Variants in ZNF385D observed in about 807,000 individuals in gnomAD.
ZNF385D encodes the protein zinc finger protein 385D, also known as zinc finger protein 659.
In ZNF385D, 15 loss-of-function variants were observed where a neutral mutation model predicts 35.8. The observed-to-expected ratio is 0.42, with a 90% confidence interval of 0.28 to 0.64. The LOEUF is 0.64. Among genes scored for constraint, ZNF385D ranks in the 30% least tolerant of loss-of-function variants. The pLI is 0.23. For synonymous variants in ZNF385D, 212 were observed against 186.8 expected, an observed-to-expected ratio of 1.13 and a Z score of -1.10; for missense variants, 474 against 494.6, an observed-to-expected ratio of 0.96 and a Z score of 0.39.
intron 3 of ZNF385D, among the ~76,000 whole-genome samples, chr3:22,031,581 C>G (rs1037294533): frequency 6.6e-6 from 1 of 152,286 alleles, no homozygotes; most frequent in South Asian, 2.1e-4. Flanking sequence ...CACAGAGCAG[C>G]GTGTCCCTGG....
chr3:22,005,872 C>G (rs1696168000), intron 3 of ZNF385D, among the ~76,000 whole-genome samples: 1 of 151,988 alleles, frequency 6.6e-6, no homozygotes, highest in African/African-American at 2.4e-5. Context: ...TTAAAAGGAA[C>G]AGGAAAATAT....
At chr3:22,131,718 C>G (rs1482617535) in intron 3 of ZNF385D, among the ~76,000 whole-genome samples, 2 of 152,216 alleles carry the variant, frequency 1.3e-5, no homozygotes, top group African/African-American at 2.4e-5. Context: ...AGGGAGATAT[C>G]ACAGAGGGAG....
intron 4 of ZNF385D, among the ~76,000 whole-genome samples, chr3:21,438,675 C>G (rs1701699475): frequency 1.3e-5 from 2 of 152,104 alleles, no homozygotes; most frequent in Admixed American, 1.3e-4. Context: ...ACACTTCACA[C>G]ACTTTCAATC....
chr3:21,747,348 A>G (rs544438196), intron 1 of ZNF385D, among the ~76,000 whole-genome samples: 8 of 152,144 alleles, frequency 5.3e-5, no homozygotes, highest in African/African-American at 1.9e-4. Context: ...GAGTATTCTC[A>G]TGGGGGCAAG....
At chr3:22,351,465 G>T (rs987045896) in intron 2 of ZNF385D, among the ~76,000 whole-genome samples, 2 of 151,986 alleles carry the variant, frequency 1.3e-5, no homozygotes, top group African/African-American at 4.8e-5. Context: ...TGAAATACTT[G>T]GCCCAGCTGT....
At chr3:21,855,415 G>C (rs1217275726) in intron 3 of ZNF385D, among the ~76,000 whole-genome samples, 1 of 151,960 alleles carries the variant, frequency 6.6e-6, no homozygotes, top group Non-Finnish European at 1.5e-5. Context: ...ATGGAGATAA[G>C]GTATTACAGC....
At chr3:21,732,315 G>T (rs989929590) in intron 1 of ZNF385D, among the ~76,000 whole-genome samples, 40 of 152,016 alleles carry the variant, frequency 2.6e-4, no homozygotes, top group Non-Finnish European at 1.2e-4. Flanking sequence ...GCCTCTCAAA[G>T]TGCTGGGATT....
chr3:22,206,117 G>A (rs772858534), intron 2 of ZNF385D, among the ~76,000 whole-genome samples: 1 of 151,776 alleles, frequency 6.6e-6, no homozygotes, highest in Non-Finnish European at 1.5e-5. Context: ...ACCATAAAAA[G>A]GCAGGAACAG....
At chr3:21,842,262 T>C (rs9861628) in intron 3 of ZNF385D, among the ~76,000 whole-genome samples, 31,311 of 151,830 alleles carry the variant, frequency 0.21, 3,423 homozygotes, top group Admixed American at 0.26. Flanking sequence ...TCTGGAACAA[T>C]AGAAATGCAA....
At chr3:22,262,406 T>C (rs550507509) in intron 2 of ZNF385D, among the ~76,000 whole-genome samples, 1 of 152,122 alleles carries the variant, frequency 6.6e-6, no homozygotes, top group South Asian at 2.1e-4. Context: ...GATAATGCCA[T>C]GGTAAACCCA....
At chr3:21,470,521 CAAAAT>C (rs1703816517) in intron 4 of ZNF385D, among the ~76,000 whole-genome samples, 1 of 152,034 alleles carries the variant, frequency 6.6e-6, no homozygotes, top group South Asian at 2.1e-4. Context: ...AGACATTACT[CAAAAT>C]AAACTGATGA....
chr3:22,142,491 A>G (rs1231156777), intron 3 of ZNF385D, among the ~76,000 whole-genome samples: 2 of 152,334 alleles, frequency 1.3e-5, no homozygotes, highest in East Asian at 3.9e-4. Context: ...AAAAGCAGCT[A>G]TAAAATCAAT....
At chr3:22,059,640 G>A (rs1014267922) in intron 3 of ZNF385D, among the ~76,000 whole-genome samples, 1 of 152,066 alleles carries the variant, frequency 6.6e-6, no homozygotes, top group Non-Finnish European at 1.5e-5. Context: ...GAATGCCTTT[G>A]AGTTCTCCAA....
intron 2 of ZNF385D, among the ~76,000 whole-genome samples, chr3:22,241,310 A>G (rs186363524): frequency 1.3e-5 from 2 of 151,234 alleles, no homozygotes; most frequent in Admixed American, 6.6e-5. Context: ...CCTACAGAGG[A>G]CAGTGTTCCC....
chr3:21,597,275 A>G (rs2064153524), intron 2 of ZNF385D, among the ~76,000 whole-genome samples: 2 of 152,144 alleles, frequency 1.3e-5, no homozygotes, highest in Non-Finnish European at 2.9e-5. Flanking sequence ...TCGAAGATCT[A>G]TAATTTATAC....
intron 1 of ZNF385D, among the ~76,000 whole-genome samples, chr3:21,708,778 C>G (rs886243534): frequency 3.9e-5 from 6 of 152,000 alleles, no homozygotes; most frequent in Non-Finnish European, 7.4e-5. Flanking sequence ...AGATTTGCAT[C>G]AGTAGACTTT....
In ZNF385D at chr3:22,124,040, T is replaced by C. The variant is rs146023433; in HGVS notation, c.325+44777A>G. 5.6e-3 allele frequency among the ~76,000 whole-genome samples: 848 copies of C among 150,546 alleles called. 7 individuals carry two copies. Among genetic ancestry groups the C allele is most frequent in the African/African-American group, 0.018 (746 of 41,014 alleles). On this transcript the variant is annotated intron_variant, in intron 3 of 5. Transcript: ENST00000494108. ...CAAGCAACTGCTAGGTCTTATTCAT[T>C]CTATCTAACTATTTTTGTGTGCATT...
At chr3:21,474,283 G>A (rs984280003) in intron 4 of ZNF385D, among the ~76,000 whole-genome samples, 2 of 152,032 alleles carry the variant, frequency 1.3e-5, no homozygotes, top group African/African-American at 4.8e-5. Flanking sequence ...CAGGATTGAG[G>A]TAAACTATAC....
At chr3:21,571,153 C>G (rs964745461) in intron 2 of ZNF385D, among the ~76,000 whole-genome samples, 5 of 152,104 alleles carry the variant, frequency 3.3e-5, no homozygotes, top group African/African-American at 1.2e-4. Flanking sequence ...TCTCTCAGTC[C>G]TGTACTTGGC....
Sources: allele counts gnomAD v4.1 joint callset (sites outside exome capture counted in the v4.1 genomes callset), GRCh38; gene constraint gnomAD v4.1.1; transcripts MANE v1.5; gene names NCBI Gene and HGNC (gene_info 2026-07-23, HGNC 2026-07-21).